Variants in LIN7A observed in about 807,000 individuals in gnomAD.
LIN7A encodes protein lin-7 homolog A.
LIN7A carries 25 observed loss-of-function variants against 29.8 expected under a neutral mutation model. That is an observed-to-expected ratio of 0.84 (90% CI 0.61 to 1.17). LIN7A has a LOEUF of 1.17. Ranked by LOEUF, LIN7A falls within the 50% of genes most tolerant of loss-of-function variation. The probability of loss-of-function intolerance (pLI) is 0.00; values close to 1 mark genes in which losing one functional copy is unlikely to be tolerated. For missense variants in LIN7A, 239 were observed against 287.0 expected (o/e 0.83, Z 1.21); for synonymous variants, 118 against 107.5 (o/e 1.10, Z -0.60).
In LIN7A at chr12:80,842,055, G is replaced by A. The variant is rs950081508; in HGVS notation, c.483+3675C>T. 9 of 1,285,252 alleles carry A rather than the reference G, an allele frequency of 7.0e-6. No individual in the cohort carries two copies. In the African/African-American group the frequency reaches 7.6e-5, roughly 11 times the overall value. 79.6% of individuals were successfully genotyped at this position (1,285,252 alleles called of 1,614,324 possible). A position where few individuals can be genotyped will look rare whatever the true frequency, so the allele number is the denominator to read the frequency against. ...ATGGGAAATTTCTCTTGGTGCCTAG[G>A]GATAGAAAAAATTTTCTCTCCCAAT... On this transcript the variant is annotated intron_variant, in intron 4 of 5. Coordinates refer to ENST00000552864, the MANE Select transcript of LIN7A (RefSeq NM_004664.4).
chr12:80,808,440 A>G (rs1204831742), intron 5 of LIN7A, among the ~76,000 whole-genome samples: 1 of 152,164 alleles, frequency 6.6e-6, no homozygotes, highest in Non-Finnish European at 1.5e-5. Flanking sequence ...AGCTCATTAA[A>G]CAGTGCCTCG....
chr12:80,906,779 A>G (rs1015540795), intron 1 of LIN7A, among the ~76,000 whole-genome samples: 1 of 152,158 alleles, frequency 6.6e-6, no homozygotes, highest in Admixed American at 6.5e-5. Flanking sequence ...CATGCAATGT[A>G]GCCATGTAAC....
chr12:80,906,361 C>T (rs1446838045), intron 1 of LIN7A, among the ~76,000 whole-genome samples: 2 of 152,214 alleles, frequency 1.3e-5, no homozygotes, highest in Non-Finnish European at 2.9e-5. Context: ...GCAAGTGCTG[C>T]TGTTTCTCAG....
chr12:80,844,078 G>A (rs915679288), intron 4 of LIN7A, among the ~76,000 whole-genome samples: 4 of 151,510 alleles, frequency 2.6e-5, no homozygotes, highest in African/African-American at 9.7e-5. Flanking sequence ...TACCTTATTT[G>A]ATTTATATAA....
chr12:80,889,381 A>C lies in LIN7A; in HGVS notation c.83-12T>G, dbSNP rs1201920217. On this transcript the variant is annotated splice_polypyrimidine_tract_variant and intron_variant, in intron 1 of 5. Coordinates refer to ENST00000552864, the MANE Select transcript of LIN7A (RefSeq NM_004664.4). ...TGCTCTTGCAACATCTGAATGAAAA[A>C]AAATGAAAATAGAGAAACCTAGAAT... The C allele has an allele frequency of 2.2e-5, 32 of 1,472,644 alleles. No individual in the cohort carries two copies. The highest frequency in any genetic ancestry group is 2.9e-5 in the Non-Finnish European group (31 of 1,053,942). 91.2% of individuals were successfully genotyped at this position (1,472,644 alleles called of 1,614,324 possible). A position where few individuals can be genotyped will look rare whatever the true frequency, so the allele number is the denominator to read the frequency against.
chr12:80,862,950 C>CTA (rs1873948575), intron 2 of LIN7A, among the ~76,000 whole-genome samples: 1 of 152,216 alleles, frequency 6.6e-6, no homozygotes, highest in African/African-American at 2.4e-5. Flanking sequence ...AAATGCCAGA[C>CTA]TATACTCTTC....
intron 1 of LIN7A, among the ~76,000 whole-genome samples, chr12:80,930,884 A>G (rs1371896477): frequency 1.3e-5 from 2 of 152,350 alleles, no homozygotes; most frequent in East Asian, 1.9e-4. Context: ...TGCTAAGCCA[A>G]TTTTATTCAT....
intron 1 of LIN7A, among the ~76,000 whole-genome samples, chr12:80,926,036 T>C (rs1030127418): frequency 1.3e-5 from 2 of 152,200 alleles, no homozygotes; most frequent in Admixed American, 1.3e-4. Context: ...TTCTTCCAGA[T>C]CGTTGCATGG....
Position 80,845,738 on chromosome 12 carries a change from T to C in LIN7A, c.475A>G (p.Asn159Asp). The C allele has an allele frequency of 6.2e-7, 1 of 1,613,054 alleles. No homozygotes were observed. Among genetic ancestry groups the C allele is most frequent in the South Asian group, 1.1e-5 (1 of 90,890 alleles). The change falls in exon 4 of 6, where the codon AAC becomes GAC. Residue 159 changes from asparagine to aspartate, a missense_variant. Physicochemically the swap from Asn to Asp is conservative, Grantham distance 23. Transcript: ENST00000552864. The stretch of plus-strand genomic sequence containing the variant: ...TTATTTTATAAACATACCACTCCGT[T>C]CACTGATAGCAGCTGGTCTCCTCTT... ...LKRGDQLLSV[N>D]GVSVEGEHHE...
At chr12:80,929,890 C>T (rs1278131873) in intron 1 of LIN7A, among the ~76,000 whole-genome samples, 1 of 152,138 alleles carries the variant, frequency 6.6e-6, no homozygotes, top group Non-Finnish European at 1.5e-5. Flanking sequence ...TCAAAAATCA[C>T]TTTCAGCAGT....
chr12:80,848,967 G>A (rs1873202207), intron 2 of LIN7A, among the ~76,000 whole-genome samples: 1 of 152,096 alleles, frequency 6.6e-6, no homozygotes, highest in Non-Finnish European at 1.5e-5. Context: ...ACAACTATTT[G>A]TTGAGTGTCT....
chr12:80,798,320 A>T (rs1359837085), intron 5 of LIN7A, among the ~76,000 whole-genome samples: 1 of 152,224 alleles, frequency 6.6e-6, no homozygotes, highest in Non-Finnish European at 1.5e-5. Flanking sequence ...CAGAGAGAAC[A>T]GTGATTTTTA....
At chr12:80,919,143 C>T (rs1877171413) in intron 1 of LIN7A, among the ~76,000 whole-genome samples, 3 of 152,152 alleles carry the variant, frequency 2.0e-5, no homozygotes, top group African/African-American at 4.8e-5. Context: ...GAATGCATGC[C>T]GGTAGTTGCT....
intron 5 of LIN7A, among the ~76,000 whole-genome samples, chr12:80,806,068 A>G (rs1440337611): frequency 6.6e-6 from 1 of 151,310 alleles, no homozygotes; most frequent in Admixed American, 6.6e-5. Context: ...ACAGAGAGAG[A>G]CTCTGTATTA....
rs529064462 is a variant in LIN7A, at chr12:80,897,669, G to T, written c.83-8300C>A. 1.1e-4 allele frequency among the ~76,000 whole-genome samples: 17 copies of T among 152,160 alleles called. No homozygotes were observed. The East Asian group carries it at 3.1e-3, about 28-fold the overall frequency. Reference sequence around the variant, plus strand: ...AAAAATAGAAAAATTAGCCGGCGTGGTGGTGGGCGCTTGTAATCCCAGCTA... The same window carrying T: ...AAAAATAGAAAAATTAGCCGGCGTGTTGGTGGGCGCTTGTAATCCCAGCTA... On this transcript the variant is annotated intron_variant, in intron 1 of 5. Transcript: ENST00000552864.
intron 1 of LIN7A, among the ~76,000 whole-genome samples, chr12:80,926,927 CAAAAAAAAA>C (rs35483715): frequency 1.8e-5 from 1 of 55,902 alleles, no homozygotes; most frequent in Non-Finnish European, 4.0e-5. Flanking sequence ...GACTCCATCT[CAAAAAAAAA>C]AAAAAAAAAA....
At chr12:80,848,617 C>T (rs1254757301) in intron 2 of LIN7A, among the ~76,000 whole-genome samples, 2 of 151,058 alleles carry the variant, frequency 1.3e-5, no homozygotes, top group Non-Finnish European at 2.9e-5. Flanking sequence ...AAATAAATTG[C>T]TTAAACTAAA....
chr12:80,803,668 G>A (rs979425399), intron 5 of LIN7A, among the ~76,000 whole-genome samples: 1 of 152,108 alleles, frequency 6.6e-6, no homozygotes, highest in East Asian at 1.9e-4. Context: ...TGTGAAAAAT[G>A]ACATTGGAAT....
chr12:80,927,194 C>T lies in LIN7A; in HGVS notation c.82+10447G>A, dbSNP rs1400437183. Among the ~76,000 whole-genome samples, 5 of 119,344 alleles carry T rather than the reference C, an allele frequency of 4.2e-5. No individual in the cohort carries two copies. The East Asian group carries it at 1.3e-3, about 32-fold the overall frequency. The allele number at this position is 119,344 out of a possible 152,430, so 78.3% of individuals were successfully genotyped here. A position where few individuals can be genotyped will look rare whatever the true frequency, so the allele number is the denominator to read the frequency against. On this transcript the variant is annotated intron_variant, in intron 1 of 5. Transcript: ENST00000552864. ...TTTTTTTTTTTGAGACGGAGTCTCG[C>T]TCCGTCGCCCAGGCTGGAGTGCAGT...
Sources: allele counts gnomAD v4.1 joint callset (sites outside exome capture counted in the v4.1 genomes callset), GRCh38; gene constraint gnomAD v4.1.1; transcripts MANE v1.5; gene names NCBI Gene and HGNC (gene_info 2026-07-23, HGNC 2026-07-21).